Variants in THOC2 observed in about 807,000 individuals in gnomAD.
THOC2 encodes the protein THO complex subunit 2.
In THOC2, 10 loss-of-function variants were observed where a neutral mutation model predicts 128.4. The ratio of observed to expected loss-of-function variants is 0.08; its 90% CI spans 0.05 to 0.13. The LOEUF (loss-of-function observed/expected upper bound fraction) is 0.13. Ranked by LOEUF, THOC2 falls within the 10% of genes least tolerant of loss-of-function variation. THOC2 has a pLI of 1.00. For synonymous variants in THOC2, 393 were observed against 396.9 expected, an observed-to-expected ratio of 0.99 and a Z score of 0.12; for missense variants, 535 against 1,155.7, an observed-to-expected ratio of 0.46 and a Z score of 7.79.
chrX:123,721,593 C>T (rs2051700081), intron 1 of THOC2, among the ~76,000 whole-genome samples: 1 of 107,455 alleles, frequency 9.3e-6, no homozygotes, highest in African/African-American at 3.4e-5. Flanking sequence ...CAAGACCAGT[C>T]TGACCAAATG....
At chrX:123,655,080 G>C (rs2048516810) in intron 12 of THOC2, among the ~76,000 whole-genome samples, 1 of 111,355 alleles carries the variant, frequency 9.0e-6, no homozygotes, top group Admixed American at 9.6e-5. Context: ...TCTCAGAAGA[G>C]AGAGGAAAAA....
intron 28 of THOC2, chrX:123,623,573 T>C: frequency 1.3e-6 from 1 of 762,650 alleles, no homozygotes; most frequent in African/African-American, 2.1e-5. Flanking sequence ...CAAGAAATAT[T>C]ATACATGACT....
At chrX:123,692,026 T>G (rs1156228678) in intron 7 of THOC2, among the ~76,000 whole-genome samples, 1 of 111,902 alleles carries the variant, frequency 8.9e-6, no homozygotes, top group Non-Finnish European at 1.9e-5. Flanking sequence ...CGAAAAATAT[T>G]TACTATCTCA....
At chrX:123,674,568 T>C (rs189668267) in intron 8 of THOC2, among the ~76,000 whole-genome samples, 43 of 111,786 alleles carry the variant, frequency 3.8e-4, no homozygotes, top group African/African-American at 1.4e-3. Flanking sequence ...TTCAAAATAA[T>C]TATAGATAAG....
intron 10 of THOC2, 75 bp downstream of exon 10, chrX:123,668,084 T>A (rs1264467566): frequency 2.6e-6 from 2 of 761,284 alleles, no homozygotes; most frequent in Non-Finnish European, 3.6e-6. Flanking sequence ...CTTCCATAAA[T>A]GACTATTTAG....
intron 32 of THOC2, 161 bp from the exon 33 acceptor site, chrX:123,619,597 AC>A: frequency 4.1e-6 from 2 of 492,981 alleles, no homozygotes; most frequent in Non-Finnish European, 6.8e-6. Flanking sequence ...ATAAAAAAAA[AC>A]ATGTAATGGA....
chrX:123,618,835 G>A (rs1206231467), intron 33 of THOC2, among the ~76,000 whole-genome samples: 1 of 111,381 alleles, frequency 9.0e-6, no homozygotes, highest in East Asian at 2.8e-4. Flanking sequence ...CACAACCACC[G>A]AGTATTCCTG....
intron 12 of THOC2, among the ~76,000 whole-genome samples, chrX:123,663,252 A>G (rs1408699896): frequency 8.9e-6 from 1 of 111,904 alleles, no homozygotes. Context: ...ACTCAGCAAT[A>G]AAGGAACTAC....
At chrX:123,613,787 C>T in intron 34 of THOC2, 79 bp from the exon 35 acceptor site, 2 of 935,672 alleles carry the variant, frequency 2.1e-6, no homozygotes, top group Admixed American at 4.6e-5. Flanking sequence ...ATGAGAAGGG[C>T]ACAGCTAACT....
chrX:123,717,731 A>C (rs1464178086), intron 1 of THOC2, among the ~76,000 whole-genome samples: 1 of 108,732 alleles, frequency 9.2e-6, no homozygotes, highest in African/African-American at 3.3e-5. Flanking sequence ...GGCAATCCTG[A>C]ACAAAAAGAA....
At chrX:123,688,658 G>C (rs1401684129) in intron 7 of THOC2, among the ~76,000 whole-genome samples, 1 of 111,130 alleles carries the variant, frequency 9.0e-6, no homozygotes, top group Non-Finnish European at 1.9e-5. Context: ...GGGAGGCAGA[G>C]GCTGCAGTGA....
chrX:123,624,203 ATGTT>A lies in THOC2; in HGVS notation c.3187-16_3187-13del, dbSNP rs1305310957. ...TAGTTTCCACATTCCTAAGGAAACAATGTTTGTCACTTTTAAAGAAAAATTATGA... is the reference window on the plus strand; with the variant it reads ...TAGTTTCCACATTCCTAAGGAAACAATGTCACTTTTAAAGAAAAATTATGA... On this transcript the variant is annotated splice_polypyrimidine_tract_variant and intron_variant, in intron 26 of 38. Coordinates refer to ENST00000245838, the MANE Select transcript of THOC2 (RefSeq NM_001081550.2). 2.6e-6 allele frequency: 3 copies of A among 1,164,118 alleles called. No individual in the cohort carries two copies. The highest frequency in any genetic ancestry group is 3.6e-5 in the African/African-American group (2 of 54,797).
rs746576151 is a variant in THOC2 at position 123,717,075 on chromosome X, T to TA, written c.72-4168dup. Among the ~76,000 whole-genome samples the TA allele has an allele frequency of 8.7e-4, 97 of 111,940 alleles. 1 individual carries two copies. The East Asian group carries it at 0.021, about 24-fold the overall frequency. On this transcript the variant is annotated intron_variant, in intron 1 of 38. Coordinates refer to ENST00000245838, the MANE Select transcript of THOC2 (RefSeq NM_001081550.2). ...TCTCCACTTCTATCCAACAGAGTACTAAAAGTCCTTGCCAGAGCAATTGGG... is the reference window on the plus strand; with the variant it reads ...TCTCCACTTCTATCCAACAGAGTACTAAAAAGTCCTTGCCAGAGCAATTGGG...
chrX:123,704,863 AAAAAGAAAAG>A (rs376537209), intron 3 of THOC2, among the ~76,000 whole-genome samples: 7 of 111,602 alleles, frequency 6.3e-5, no homozygotes, highest in Non-Finnish European at 1.1e-4. Context: ...GTCTTGGAGA[AAAAAGAAAAG>A]AAAAGAAAAG....
rs193032139 is a variant in THOC2, at chrX:123,634,132, T to C, written c.2019-62A>G. The C allele has an allele frequency of 3.9e-3, 2,434 of 629,977 alleles. 4 individuals carry two copies. The highest frequency in any genetic ancestry group is 5.1e-3 in the Non-Finnish European group (2,091 of 409,907). The allele number at this position is 629,977 out of a possible 1,213,427, so 51.9% of individuals were successfully genotyped here. ...AACTTCAAATATAAAAGTAACAATG[T>C]ATTGTAATTAATATACTGAGAAACC... On this transcript the variant is annotated intron_variant, in intron 19 of 38. Transcript: ENST00000245838.
chrX:123,623,982 C>T lies in THOC2; in HGVS notation c.3319-11G>A. 2 of 1,186,034 alleles carry T rather than the reference C, an allele frequency of 1.7e-6. No individual in the cohort carries two copies. The highest frequency in any genetic ancestry group is 2.3e-6 in the Non-Finnish European group (2 of 884,971). ...GCAATGTACCGATGCCTACAACAAA[C>T]ATTTTCAGATCCATTATTATAAAAG... On this transcript the variant is annotated splice_polypyrimidine_tract_variant and intron_variant, in intron 27 of 38. Coordinates refer to ENST00000245838, the MANE Select transcript of THOC2 (RefSeq NM_001081550.2).
intron 38 of THOC2, among the ~76,000 whole-genome samples, chrX:123,608,493 G>A (rs755903420): frequency 5.7e-4 from 62 of 109,618 alleles, no homozygotes; most frequent in African/African-American, 1.8e-3. Context: ...GGAGGCCAAG[G>A]CAGGTGGATC....
intron 12 of THOC2, among the ~76,000 whole-genome samples, chrX:123,659,388 T>C (rs2048737409): frequency 8.9e-6 from 1 of 112,212 alleles, no homozygotes; most frequent in South Asian, 3.7e-4. Flanking sequence ...CTGGCCAACA[T>C]GGTGAAACCC....
chrX:123,608,005 T>C (rs1036477460), intron 38 of THOC2, among the ~76,000 whole-genome samples: 3 of 110,735 alleles, frequency 2.7e-5, no homozygotes, highest in Non-Finnish European at 3.8e-5. Flanking sequence ...TCCCAGCACA[T>C]TGGGAGACCA....
Sources: gnomAD v4.1 joint callset for allele counts (sites outside exome capture counted in the v4.1 genomes callset) on GRCh38, gnomAD v4.1.1 for gene constraint, MANE v1.5 for transcripts, NCBI Gene and HGNC (gene_info 2026-07-23, HGNC 2026-07-21) for gene names.